The following CPA6 variants were observed in gnomAD, a reference collection of about 807,000 sequenced individuals.
The protein encoded by CPA6 is carboxypeptidase A6.
Under a neutral mutation model 63.3 loss-of-function variants are expected in CPA6, and 58 were observed. That is an observed-to-expected ratio of 0.92 (90% CI 0.74 to 1.14). The LOEUF (loss-of-function observed/expected upper bound fraction) is 1.14. CPA6 is among the 50% of genes most tolerant of loss of function. The pLI is 0.00. For synonymous variants in CPA6, 185 were observed against 179.0 expected (o/e 1.03, Z -0.27); for missense variants, 565 against 526.6 (o/e 1.07, Z -0.71).
intron 2 of CPA6, among the ~76,000 whole-genome samples, chr8:67,612,504 A>G (rs1381805720): frequency 6.6e-6 from 1 of 152,144 alleles, no homozygotes; most frequent in Non-Finnish European, 1.5e-5. Flanking sequence ...CTTTCTCAAT[A>G]TGATGCTGAT....
intron 6 of CPA6, among the ~76,000 whole-genome samples, chr8:67,493,205 G>A (rs1167318023): frequency 6.6e-6 from 1 of 152,076 alleles, no homozygotes; most frequent in Admixed American, 6.6e-5. Flanking sequence ...TGCAATTTAA[G>A]TTCTCTTCTT....
At chr8:67,479,468 C>T (rs1334658149) in intron 8 of CPA6, among the ~76,000 whole-genome samples, 2 of 152,148 alleles carry the variant, frequency 1.3e-5, no homozygotes, top group African/African-American at 2.4e-5. Context: ...ATTTGTATGC[C>T]TTTCATCCTA....
chr8:67,491,763 C>A (rs1811610647), intron 6 of CPA6, among the ~76,000 whole-genome samples: 1 of 152,184 alleles, frequency 6.6e-6, no homozygotes, highest in South Asian at 2.1e-4. Context: ...CTTATATACA[C>A]AAATTTGTTA....
intron 4 of CPA6, among the ~76,000 whole-genome samples, chr8:67,509,944 A>C (rs896500897): frequency 1.3e-5 from 2 of 152,178 alleles, no homozygotes; most frequent in Non-Finnish European, 2.9e-5. Flanking sequence ...TGAAAATCAG[A>C]ATTTATTTCT....
At chr8:67,647,927 A>G (rs1398525157) in intron 1 of CPA6, among the ~76,000 whole-genome samples, 2 of 152,124 alleles carry the variant, frequency 1.3e-5, no homozygotes, top group African/African-American at 4.8e-5. Context: ...ATTTTCCCTA[A>G]GAAGTAGGGT....
intron 1 of CPA6, among the ~76,000 whole-genome samples, chr8:67,653,031 G>C (rs181717475): frequency 1.8e-4 from 27 of 152,290 alleles, no homozygotes; most frequent in African/African-American, 2.9e-4. Flanking sequence ...TCTCAGGTTT[G>C]TCAAAGATCA....
chr8:67,510,116 T>A (rs1181138884), intron 4 of CPA6, among the ~76,000 whole-genome samples: 2 of 151,570 alleles, frequency 1.3e-5, no homozygotes, highest in African/African-American at 2.4e-5. Flanking sequence ...GTTCTTTTAC[T>A]GAGCTACATA....
At chr8:67,571,417 C>CA (rs1404582676) in intron 2 of CPA6, among the ~76,000 whole-genome samples, 1 of 152,158 alleles carries the variant, frequency 6.6e-6, no homozygotes, top group African/African-American at 2.4e-5. Context: ...TTTAAGAACA[C>CA]AGAGTACATT....
At chr8:67,517,806 A>T in intron 3 of CPA6, 117 bp downstream of exon 3, 1 of 1,077,422 alleles carries the variant, frequency 9.3e-7, no homozygotes, top group Non-Finnish European at 1.3e-6. Context: ...TTTTCCCCAT[A>T]TGAAAAATTG....
chr8:67,590,430 G>A (rs1388214363), intron 2 of CPA6, among the ~76,000 whole-genome samples: 2 of 151,250 alleles, frequency 1.3e-5, no homozygotes, highest in East Asian at 3.9e-4. Flanking sequence ...GGGTCAAACG[G>A]TATTTCTAGT....
At chr8:67,623,164 A>G (rs1342628805) in intron 2 of CPA6, among the ~76,000 whole-genome samples, 2 of 152,204 alleles carry the variant, frequency 1.3e-5, no homozygotes, top group African/African-American at 2.4e-5. Context: ...AGTTTTAATT[A>G]AGAGGAAAGT....
intron 1 of CPA6, among the ~76,000 whole-genome samples, chr8:67,636,299 C>T (rs541216606): frequency 6.6e-6 from 1 of 151,654 alleles, no homozygotes; most frequent in African/African-American, 2.4e-5. Context: ...CTGCAATGAT[C>T]TTGTTGAATC....
intron 3 of CPA6, among the ~76,000 whole-genome samples, chr8:67,515,985 T>G (rs897828148): frequency 1.3e-5 from 2 of 152,192 alleles, no homozygotes; most frequent in Non-Finnish European, 2.9e-5. Flanking sequence ...CCGTCCTAGA[T>G]GCTCCTGCCT....
intron 1 of CPA6, among the ~76,000 whole-genome samples, chr8:67,666,570 G>C (rs1439989446): frequency 6.6e-6 from 1 of 152,144 alleles, no homozygotes; most frequent in African/African-American, 2.4e-5. Context: ...ACAGGAAGGA[G>C]GAAGCATGTG....
chr8:67,475,839 CTT>C (rs373488094), intron 8 of CPA6, among the ~76,000 whole-genome samples: 2 of 62,130 alleles, frequency 3.2e-5, no homozygotes, highest in African/African-American at 8.3e-5. Flanking sequence ...TTCTTTCTTT[CTT>C]TCTTTCTTTC....
intron 6 of CPA6, among the ~76,000 whole-genome samples, chr8:67,502,077 T>C (rs1387382982): frequency 2.0e-5 from 3 of 152,242 alleles, no homozygotes; most frequent in Non-Finnish European, 2.9e-5. Context: ...TCAGAGTTTG[T>C]AGTGATATTC....
chr8:67,619,528 C>A (rs61439945), intron 2 of CPA6, among the ~76,000 whole-genome samples: 6,744 of 152,144 alleles, frequency 0.044, 183 homozygotes, highest in South Asian at 0.1. Flanking sequence ...GTACTTCTAC[C>A]CAAGTTCCTG....
intron 2 of CPA6, among the ~76,000 whole-genome samples, chr8:67,533,008 A>G (rs1417698703): frequency 2.0e-5 from 3 of 152,214 alleles, no homozygotes; most frequent in East Asian, 3.9e-4. Flanking sequence ...TTCTAGCCAA[A>G]CAAGGACTTA....
intron 8 of CPA6, among the ~76,000 whole-genome samples, chr8:67,470,040 T>C (rs1463505189): frequency 2.0e-5 from 3 of 151,456 alleles, no homozygotes; most frequent in Admixed American, 6.6e-5. Flanking sequence ...TTTTTTTTTT[T>C]CTTTTTTTTT....
Sources: gnomAD v4.1 joint callset for allele counts (sites outside exome capture counted in the v4.1 genomes callset) on GRCh38, gnomAD v4.1.1 for gene constraint, MANE v1.5 for transcripts, NCBI Gene and HGNC (gene_info 2026-07-23, HGNC 2026-07-21) for gene names.